Variants in BCKDHB observed in about 807,000 individuals in gnomAD.
BCKDHB encodes 2-oxoisovalerate dehydrogenase subunit beta, mitochondrial.
BCKDHB carries 41 observed loss-of-function variants against 48.5 expected under a neutral mutation model. The ratio of observed to expected loss-of-function variants is 0.85; its 90% CI spans 0.66 to 1.10. The LOEUF is 1.10. BCKDHB is among the 50% of genes least tolerant of loss of function. BCKDHB has a pLI of 0.00. For synonymous variants in BCKDHB, 201 were observed against 174.8 expected (o/e 1.15, Z -1.18); for missense variants, 496 against 494.2 (o/e 1.00, Z -0.03).
At chr6:80,206,609 C>A (rs1774675158) in intron 8 of BCKDHB, among the ~76,000 whole-genome samples, 1 of 150,816 alleles carries the variant, frequency 6.6e-6, no homozygotes, top group African/African-American at 2.4e-5. Context: ...GTGGAGCCAT[C>A]AGAGAAATAT....
the BCKDHB span, among the ~76,000 whole-genome samples, chr6:80,441,674 T>C: frequency 6.6e-6 from 1 of 152,208 alleles, no homozygotes; most frequent in African/African-American, 2.4e-5. Flanking sequence ...TGTGGTCTCA[T>C]GTCTTTCCCA....
intron 8 of BCKDHB, among the ~76,000 whole-genome samples, chr6:80,218,317 A>G (rs1775264308): frequency 6.6e-6 from 1 of 152,126 alleles, no homozygotes; most frequent in African/African-American, 2.4e-5. Flanking sequence ...ACCTTGGGAA[A>G]GTGGAATTCA....
the BCKDHB span, among the ~76,000 whole-genome samples, chr6:80,450,034 G>T: frequency 6.6e-6 from 1 of 151,960 alleles, no homozygotes; most frequent in Non-Finnish European, 1.5e-5. Flanking sequence ...TCAAATAATT[G>T]CAGTCAATAG....
chr6:80,363,777 G>A, the BCKDHB span, among the ~76,000 whole-genome samples: 2 of 152,266 alleles, frequency 1.3e-5, no homozygotes, highest in African/African-American at 4.8e-5. Context: ...TTTTAAAATA[G>A]ACTTAACTCA....
intron 9 of BCKDHB, among the ~76,000 whole-genome samples, chr6:80,342,451 G>A (rs774936054): frequency 5.3e-5 from 8 of 150,598 alleles, no homozygotes; most frequent in Non-Finnish European, 8.9e-5. Flanking sequence ...CTGGGCTTGG[G>A]GACTCACACC....
At chr6:80,185,892 G>A (rs144538928) in intron 6 of BCKDHB, among the ~76,000 whole-genome samples, 14 of 152,242 alleles carry the variant, frequency 9.2e-5, no homozygotes, top group East Asian at 7.7e-4. Context: ...TGGTTTTTTC[G>A]AATGCTGGTT....
the BCKDHB span, among the ~76,000 whole-genome samples, chr6:80,421,401 A>C: frequency 7.9e-5 from 12 of 152,232 alleles, no homozygotes; most frequent in Non-Finnish European, 1.8e-4. Context: ...AATACAGAGA[A>C]TTAGCACTGG....
chr6:80,168,852 C>T (rs1351073711), intron 4 of BCKDHB, 23 bp from the exon 5 acceptor site: 2 of 1,613,406 alleles, frequency 1.2e-6, no homozygotes, highest in Non-Finnish European at 1.7e-6. Flanking sequence ...GTGCCATGCC[C>T]CGTCTTTCTT....
the BCKDHB span, among the ~76,000 whole-genome samples, chr6:80,383,185 G>A: frequency 6.6e-6 from 1 of 152,046 alleles, no homozygotes; most frequent in African/African-American, 2.4e-5. Context: ...TTTACTTAGG[G>A]TTGCATATCT....
At chr6:80,459,268 G>A in the BCKDHB span, among the ~76,000 whole-genome samples, 9 of 152,006 alleles carry the variant, frequency 5.9e-5, no homozygotes, top group Admixed American at 5.9e-4. Flanking sequence ...AGAAAATGTG[G>A]TATATACACA....
intron 9 of BCKDHB, among the ~76,000 whole-genome samples, chr6:80,274,744 A>C (rs1262762181): frequency 6.6e-6 from 1 of 152,080 alleles, no homozygotes; most frequent in East Asian, 1.9e-4. Flanking sequence ...GTGCTTTTAA[A>C]GTTTGATCTC....
At chr6:80,395,969 A>G in the BCKDHB span, among the ~76,000 whole-genome samples, 1 of 152,206 alleles carries the variant, frequency 6.6e-6, no homozygotes, top group Non-Finnish European at 1.5e-5. Flanking sequence ...AAAGAAGTCA[A>G]AAACTGAGGT....
At chr6:80,418,657 A>G in the BCKDHB span, among the ~76,000 whole-genome samples, 1 of 152,160 alleles carries the variant, frequency 6.6e-6, no homozygotes, top group Non-Finnish European at 1.5e-5. Flanking sequence ...GGAATCCACT[A>G]TGCTGGGGAA....
chr6:80,349,351 G>A (rs1770329980), downstream of BCKDHB, among the ~76,000 whole-genome samples: 2 of 152,074 alleles, frequency 1.3e-5, no homozygotes, highest in Admixed American at 6.6e-5. Context: ...GTTACGGGCC[G>A]GGCACCGGGC....
the BCKDHB span, among the ~76,000 whole-genome samples, chr6:80,422,840 C>G: frequency 6.6e-6 from 1 of 152,134 alleles, no homozygotes; most frequent in African/African-American, 2.4e-5. Flanking sequence ...TTTGATTTTA[C>G]AGGCTTATAG....
chr6:80,446,868 C>G, the BCKDHB span, among the ~76,000 whole-genome samples: 1 of 151,028 alleles, frequency 6.6e-6, no homozygotes, highest in Admixed American at 6.6e-5. Context: ...TGTCTGTGGT[C>G]GAGGAGGGGT....
At chr6:80,414,826 A>G in the BCKDHB span, among the ~76,000 whole-genome samples, 1 of 152,080 alleles carries the variant, frequency 6.6e-6, no homozygotes, top group Non-Finnish European at 1.5e-5. Flanking sequence ...GTAGCATTGA[A>G]CCTTTAAATT....
At chr6:80,245,301 A>G (rs1488589867) in intron 8 of BCKDHB, among the ~76,000 whole-genome samples, 1 of 151,972 alleles carries the variant, frequency 6.6e-6, no homozygotes, top group Admixed American at 6.6e-5. Flanking sequence ...TGCTATGGGA[A>G]CCCAGGAATT....
At chr6:80,155,789 A>G (rs1772011745) in intron 3 of BCKDHB, among the ~76,000 whole-genome samples, 1 of 151,802 alleles carries the variant, frequency 6.6e-6, no homozygotes, top group Non-Finnish European at 1.5e-5. Flanking sequence ...CTTAATTTAG[A>G]AATTCATTTT....
Sources: gnomAD v4.1 joint callset for allele counts (sites outside exome capture counted in the v4.1 genomes callset) on GRCh38, gnomAD v4.1.1 for gene constraint, MANE v1.5 for transcripts, NCBI Gene and HGNC (gene_info 2026-07-23, HGNC 2026-07-21) for gene names.